Variants in RIMKLB observed in about 807,000 individuals in gnomAD.
RIMKLB encodes the protein beta-citrylglutamate synthase B.
In RIMKLB, 7 loss-of-function variants were observed where a neutral mutation model predicts 32.0. The observed-to-expected ratio is 0.22, with a 90% CI of 0.12 to 0.41. The LOEUF is 0.41. Among genes scored for constraint, RIMKLB ranks in the 10% least tolerant of loss-of-function variants. The probability of loss-of-function intolerance (pLI) is 1.00; values close to 1 mark genes in which losing one functional copy is unlikely to be tolerated. For synonymous variants in RIMKLB, 172 were observed against 185.1 expected (o/e 0.93, Z 0.57); for missense variants, 289 against 498.7 (o/e 0.58, Z 4.00).
intron 2 of RIMKLB, among the ~76,000 whole-genome samples, chr12:8,735,198 A>G (rs376979180): frequency 8.5e-5 from 13 of 152,152 alleles, no homozygotes; most frequent in East Asian, 5.8e-4. Context: ...CTGCCTACTT[A>G]TCAGGCAGCA....
intron 5 of RIMKLB, among the ~76,000 whole-genome samples, chr12:8,768,113 C>CCA (rs1950117989): frequency 6.6e-6 from 1 of 152,140 alleles, no homozygotes; most frequent in South Asian, 2.1e-4. Context: ...AGTGTTATAG[C>CCA]TCTATTAGAA....
intron 1 of RIMKLB, among the ~76,000 whole-genome samples, chr12:8,704,433 G>T (rs1943670026): frequency 6.6e-6 from 1 of 151,894 alleles, no homozygotes; most frequent in South Asian, 2.1e-4. Flanking sequence ...TATAAACTCA[G>T]ATCACTTAAA....
At chr12:8,746,240 G>A (rs1050442039) in intron 2 of RIMKLB, among the ~76,000 whole-genome samples, 7 of 151,426 alleles carry the variant, frequency 4.6e-5, no homozygotes, top group Non-Finnish European at 8.8e-5. Context: ...AACTGGCGCC[G>A]AGGTTTTTTT....
upstream of RIMKLB, among the ~76,000 whole-genome samples, chr12:8,696,985 A>G (rs915904358): frequency 5.3e-5 from 8 of 152,142 alleles, no homozygotes. Flanking sequence ...CCTTAAGAAA[A>G]TGTAATAGCG....
downstream of RIMKLB, among the ~76,000 whole-genome samples, chr12:8,781,064 C>T (rs576120924): frequency 2.0e-4 from 30 of 152,148 alleles, no homozygotes; most frequent in Non-Finnish European, 3.7e-4. Flanking sequence ...GTTCTGGCCA[C>T]GTACTGTGGC....
upstream of RIMKLB, among the ~76,000 whole-genome samples, chr12:8,693,372 C>CA (rs1942786621): frequency 6.6e-6 from 1 of 151,352 alleles, no homozygotes; most frequent in African/African-American, 2.4e-5. Context: ...CTTTGTACTG[C>CA]AATTTGTTTT....
chr12:8,685,772 T>C (rs1942551411), intron 1 of RIMKLB, among the ~76,000 whole-genome samples: 1 of 151,862 alleles, frequency 6.6e-6, no homozygotes, highest in Admixed American at 6.6e-5. Context: ...GCTTCCCAAG[T>C]AGCTGGAACT....
In RIMKLB at chr12:8,730,547, G is replaced by A. The variant is rs202237922; in HGVS notation, c.175+16506G>A. On this transcript the variant is annotated intron_variant, in intron 2 of 5. Transcript: ENST00000535829. ...GCAGCTTTTCCAACCTGAGAACCTA[G>A]TTAGGTGAAACAGACCAGACCTTAG... 3.3e-5 allele frequency among the ~76,000 whole-genome samples: 5 copies of A among 152,280 alleles called. 1 individual carries two copies. The highest frequency in any genetic ancestry group is 4.1e-4 in the South Asian group (2 of 4,822).
intron 5 of RIMKLB, among the ~76,000 whole-genome samples, chr12:8,761,917 G>A (rs765420016): frequency 3.3e-5 from 5 of 152,234 alleles, no homozygotes; most frequent in Admixed American, 2.6e-4. Flanking sequence ...CCGGTCCAGG[G>A]GTCTGCGGTA....
At chr12:8,756,847 A>G (rs575800774) in intron 5 of RIMKLB, among the ~76,000 whole-genome samples, 27 of 151,900 alleles carry the variant, frequency 1.8e-4, no homozygotes, top group Non-Finnish European at 2.9e-4. Flanking sequence ...GTGCACCCCA[A>G]TGCTGGGCTA....
rs1950750630 is a variant in RIMKLB, at chr12:8,776,751, A to G, written c.*2967A>G. The G allele has an allele frequency of 1.0e-6, 1 of 985,396 alleles. No homozygotes were observed. Among genetic ancestry groups the G allele is most frequent in the Middle Eastern group, 5.2e-4 (1 of 1,914 alleles). 61.0% of individuals were successfully genotyped at this position (985,396 alleles called of 1,614,324 possible). A position where few individuals can be genotyped will look rare whatever the true frequency, so the allele number is the denominator to read the frequency against. ...CCAATGAACATTGAAATCTTCCTGT[A>G]TATGTTACCAATAAGAAAACTACCC... On this transcript the variant is annotated 3_prime_UTR_variant, in exon 6 of 6. Coordinates refer to ENST00000535829, the MANE Select transcript of RIMKLB (RefSeq NM_001297776.2).
chr12:8,743,852 A>C (rs1238634972), intron 2 of RIMKLB, among the ~76,000 whole-genome samples: 2 of 151,976 alleles, frequency 1.3e-5, no homozygotes, highest in Non-Finnish European at 2.9e-5. Context: ...TTATATCTAA[A>C]ATATTTGTAC....
upstream of RIMKLB, among the ~76,000 whole-genome samples, chr12:8,695,186 GCCCCGCCC>G (rs1354831126): frequency 2.4e-5 from 3 of 122,516 alleles, no homozygotes; most frequent in African/African-American, 9.4e-5. Flanking sequence ...TTGCCGCACC[GCCCCGCCC>G]CCCCGCCCCG....
chr12:8,692,278 G>A (rs183184422), upstream of RIMKLB, among the ~76,000 whole-genome samples: 1 of 152,326 alleles, frequency 6.6e-6, no homozygotes, highest in African/African-American at 2.4e-5. Flanking sequence ...GTTTATAAAT[G>A]TTGAGGGCTT....
At position 8,776,440 on chromosome 12, in the gene RIMKLB, T is replaced by C. The variant is rs1010660422; in HGVS notation, c.*2656T>C. The C allele has an allele frequency of 6.4e-5, 56 of 874,444 alleles. No homozygotes were observed. In the African/African-American group the frequency reaches 9.5e-4, roughly 15 times the overall value. 54.2% of individuals were successfully genotyped at this position (874,444 alleles called of 1,614,324 possible). On this transcript the variant is annotated 3_prime_UTR_variant, in exon 6 of 6. Coordinates refer to ENST00000535829, the MANE Select transcript of RIMKLB (RefSeq NM_001297776.2). ...GGTTAAACTTATTTTCATAATTGTTTAATAACTTTTGTATAATCTTCATTG... is the reference window on the plus strand; with the variant it reads ...GGTTAAACTTATTTTCATAATTGTTCAATAACTTTTGTATAATCTTCATTG...
At chr12:8,672,741 A>T in the RIMKLB span, among the ~76,000 whole-genome samples, 1 of 151,976 alleles carries the variant, frequency 6.6e-6, no homozygotes, top group African/African-American at 2.4e-5. Context: ...GGTTGTTTGG[A>T]AGTGTGCTAC....
chr12:8,671,285 T>A, the RIMKLB span, among the ~76,000 whole-genome samples: 2 of 152,052 alleles, frequency 1.3e-5, no homozygotes, highest in East Asian at 3.9e-4. Flanking sequence ...AATTTCGCTC[T>A]TGTTGCCCAG....
the RIMKLB span, among the ~76,000 whole-genome samples, chr12:8,669,892 T>C: frequency 5.3e-5 from 8 of 151,468 alleles, no homozygotes; most frequent in Admixed American, 1.3e-4. Flanking sequence ...CCGGGCGTGG[T>C]GGCGGGTGCC....
At chr12:8,725,330 T>G in intron 2 of RIMKLB, among the ~76,000 whole-genome samples, 1 of 152,118 alleles carries the variant, frequency 6.6e-6, no homozygotes, top group Non-Finnish European at 1.5e-5. Context: ...CATGCTGGAG[T>G]GCAGTGGTGC....
Sources: allele counts gnomAD v4.1 joint callset (sites outside exome capture counted in the v4.1 genomes callset), GRCh38; gene constraint gnomAD v4.1.1; transcripts MANE v1.5; gene names NCBI Gene and HGNC (gene_info 2026-07-23, HGNC 2026-07-21).